The following PRR22 variants were observed in gnomAD, a reference collection of about 807,000 sequenced individuals.
PRR22 encodes the protein proline-rich protein 22.
A neutral mutation model predicts 7.2 loss-of-function variants in PRR22; 5 were observed. The ratio of observed to expected loss-of-function variants is 0.69; its 90% CI spans 0.36 to 1.45. The LOEUF (loss-of-function observed/expected upper bound fraction) is 1.45, where lower values mean the gene tolerates loss of function less well. PRR22 is among the 40% of genes most tolerant of loss of function. The pLI, the probability that PRR22 is intolerant of heterozygous loss-of-function variation, is 0.03. For synonymous variants in PRR22, 319 were observed against 269.3 expected, an observed-to-expected ratio of 1.18 and a Z score of -1.81; for missense variants, 619 against 568.8, an observed-to-expected ratio of 1.09 and a Z score of -0.90.
rs373858605 is a variant in PRR22, at chr19:5,783,579, C to T, written c.668G>A (p.Gly223Glu). ...HLQGHLGHFP[G>E]PEPLAFPVKE... ...GACGGGGAAGGCCAGGGGTTCGGGC[C>T]CAGGGAAGTGGCCGAGGTGACCCTG... The change falls in exon 3 of 3, where the codon GGG (glycine) becomes GAG (glutamate). Residue 223 changes from glycine to glutamate, a missense_variant. By Grantham distance (98) the Gly-to-Glu change is moderately conservative. Coordinates refer to ENST00000419421, the MANE Select transcript of PRR22 (RefSeq NM_001134316.2). The T allele has an allele frequency of 7.5e-6, 12 of 1,606,652 alleles. No homozygotes were observed. In the African/African-American group the frequency reaches 1.6e-4, roughly 21 times the overall value.
In PRR22 at chr19:5,783,146, G is replaced by C; in HGVS notation, c.1101C>G (p.Pro367=). Residue 367 remains proline, a synonymous_variant, in exon 3 of 3, where the codon CCC becomes CCG. Coordinates refer to ENST00000419421, the MANE Select transcript of PRR22 (RefSeq NM_001134316.2). The part of the protein sequence containing the change: ...NFKALDEEQP[P]HPGPPATNTP... ...TGTTGGTGGCAGGGGGCCCCGGGTG[G>C]GGCGGCTGCTCCTCGTCGAGCGCCT... The C allele has an allele frequency of 6.2e-7, 1 of 1,612,478 alleles. No homozygotes were observed. The highest frequency in any genetic ancestry group is 1.1e-5 in the South Asian group (1 of 91,054).
Position 5,783,742 on chromosome 19 carries a change from C to T in PRR22, c.505G>A (p.Val169Met), listed in dbSNP as rs1375705650. 6.0e-6 allele frequency: 9 copies of T among 1,495,758 alleles called. No homozygotes were observed. The highest frequency in any genetic ancestry group is 2.4e-5 in the East Asian group (1 of 42,174). The allele number at this position is 1,495,758 out of a possible 1,614,324, so 92.7% of individuals were successfully genotyped here. A position where few individuals can be genotyped will look rare whatever the true frequency, so the allele number is the denominator to read the frequency against. The change falls in exon 3 of 3, where the codon GTG (valine) becomes ATG (methionine). Residue 169 changes from valine (V) to methionine (M), a missense_variant. Transcript: ENST00000419421. ...FVGDAGPAAF[V>M]ELPLPPLEEG... The stretch of plus-strand genomic sequence containing the variant: ...TCTAGGGGCGGTAGGGGCAGCTCCA[C>T]GAAGGCGGCGGGCCCTGCGTCCCCC...
chr19:5,783,939 C>T lies in PRR22; in HGVS notation c.308G>A (p.Gly103Glu). The change falls in exon 3 of 3, where the codon GGG (glycine) becomes GAG (glutamate). Residue 103 changes from glycine (G) to glutamate (E), a missense_variant. By Grantham distance (98) the Gly-to-Glu change is moderately conservative. Transcript: ENST00000419421. ...TGGGGCGGAGGGGACCCCCGCTGGC[C>T]CCCCGCTGCTTGCTGCCAGCTTATA... ...ALYKLAASSG[G>E]PAGVPSAPGS... The T allele has an allele frequency of 6.3e-7, 1 of 1,587,994 alleles. No individual in the cohort carries two copies. Among genetic ancestry groups the T allele is most frequent in the African/African-American group, 1.3e-5 (1 of 74,340 alleles).
intron 1 of PRR22, 31 bp downstream of exon 1, chr19:5,784,500 C>A: frequency 6.5e-7 from 1 of 1,550,002 alleles, no homozygotes; most frequent in Non-Finnish European, 8.7e-7. Flanking sequence ...TGAACCCTCT[C>A]CAGCAGGTGC....
At position 5,783,926 on chromosome 19, in the gene PRR22, G is replaced by A; in HGVS notation, c.321C>T (p.Val107=). Reference sequence around the variant, plus strand: ...GGAGGTAGCTGCCTGGGGCGGAGGGGACCCCCGCTGGCCCCCCGCTGCTTG... The same window carrying A: ...GGAGGTAGCTGCCTGGGGCGGAGGGAACCCCCGCTGGCCCCCCGCTGCTTG... ...LAASSGGPAG[V]PSAPGSYLLE... Residue 107 remains valine (V), a synonymous_variant, in exon 3 of 3, where the codon GTC becomes GTT. Coordinates refer to ENST00000419421, the MANE Select transcript of PRR22 (RefSeq NM_001134316.2). 1.9e-6 allele frequency: 3 copies of A among 1,579,008 alleles called. No individual in the cohort carries two copies. The highest frequency in any genetic ancestry group is 1.1e-5 in the South Asian group (1 of 88,214).
rs775680236 is a variant in PRR22 at position 5,784,155 on chromosome 19, G to A, written c.194-102C>T. 3.3e-5 allele frequency: 40 copies of A among 1,227,692 alleles called. No homozygotes were observed. In the African/African-American group the frequency reaches 4.3e-4, roughly 13 times the overall value. 76.0% of individuals were successfully genotyped at this position (1,227,692 alleles called of 1,614,324 possible). A position where few individuals can be genotyped will look rare whatever the true frequency, so the allele number is the denominator to read the frequency against. On this transcript the variant is annotated intron_variant, in intron 2 of 2. Coordinates refer to ENST00000419421, the MANE Select transcript of PRR22 (RefSeq NM_001134316.2). ...AGATGCCACAAGAACCTTGCCATTG[G>A]GGGGCCCCTTTGGGGGACGACATAG...
chr19:5,784,363 G>C lies in PRR22; in HGVS notation c.193+14C>G, dbSNP rs36022040. On this transcript the variant is annotated intron_variant, in intron 2 of 2. Transcript: ENST00000419421. ...CACTCCCAGCCTCGTCAAGGGCTCAGGGGAGGCCGGTACCTGCTGGTGGGG... is the reference window on the plus strand; with the variant it reads ...CACTCCCAGCCTCGTCAAGGGCTCACGGGAGGCCGGTACCTGCTGGTGGGG... 12 of 1,610,350 alleles carry C rather than the reference G, an allele frequency of 7.5e-6. No individual in the cohort carries two copies. In the South Asian group the frequency reaches 1.2e-4, roughly 16 times the overall value.
In PRR22 at chr19:5,783,683, G is replaced by A; in HGVS notation, c.564C>T (p.Pro188=). 2 of 1,509,420 alleles carry A rather than the reference G, an allele frequency of 1.3e-6. No individual in the cohort carries two copies. The highest frequency in any genetic ancestry group is 1.8e-6 in the Non-Finnish European group (2 of 1,129,522). The allele number at this position is 1,509,420 out of a possible 1,614,324, so 93.5% of individuals were successfully genotyped here. A position where few individuals can be genotyped will look rare whatever the true frequency, so the allele number is the denominator to read the frequency against. Residue 188 remains proline, a synonymous_variant, in exon 3 of 3, where the codon CCC becomes CCT. Coordinates refer to ENST00000419421, the MANE Select transcript of PRR22 (RefSeq NM_001134316.2). ...GTACAGGGGGCGGCTTGTTCTCCTTGGGGGGTGGGGGTGGCAGCGGGGCCG... is the reference window on the plus strand; with the variant it reads ...GTACAGGGGGCGGCTTGTTCTCCTTAGGGGGTGGGGGTGGCAGCGGGGCCG... ...EGPAPLPPPP[P]KENKPPPVLI...
Position 5,784,019 on chromosome 19 carries a change from G to A in PRR22, c.228C>T (p.Asp76=), listed in dbSNP as rs568363600. The A allele has an allele frequency of 4.3e-6, 7 of 1,610,972 alleles. No homozygotes were observed. The East Asian group carries it at 6.7e-5, about 15-fold the overall frequency. ...FQMAPCGCFF[D]PRIYRIEWTT... is the part of the protein sequence containing the mutation. ...TCCACTCGATCCGATAGATGCGGGG[G>A]TCGAAGAAGCACCCGCATGGGGCCA... Residue 76 remains aspartate, a synonymous_variant, in exon 3 of 3, where the codon GAC becomes GAT. Coordinates refer to ENST00000419421, the MANE Select transcript of PRR22 (RefSeq NM_001134316.2).
Position 5,783,658 on chromosome 19 carries a change from G to A in PRR22, c.589C>T (p.Leu197Phe), listed in dbSNP as rs1247197333. ...PPKENKPPPV[L>F]ITLPAEPTLP... Reference sequence around the variant, plus strand: ...GTGGGCTCTGCAGGCAGCGTGATGAGTACAGGGGGCGGCTTGTTCTCCTTG... The same window carrying A: ...GTGGGCTCTGCAGGCAGCGTGATGAATACAGGGGGCGGCTTGTTCTCCTTG... Residue 197 changes from leucine (L) to phenylalanine (F), a missense_variant, in exon 3 of 3, where the codon CTC becomes TTC. Physicochemically the swap from Leu to Phe is conservative, Grantham distance 22 (BLOSUM62 0). Coordinates refer to ENST00000419421, the MANE Select transcript of PRR22 (RefSeq NM_001134316.2). 10 of 1,487,114 alleles carry A rather than the reference G, an allele frequency of 6.7e-6. No homozygotes were observed. In the African/African-American group the frequency reaches 8.5e-5, roughly 13 times the overall value. 92.1% of individuals were successfully genotyped at this position (1,487,114 alleles called of 1,614,324 possible).
chr19:5,783,489 A>G lies in PRR22; in HGVS notation c.758T>C (p.Leu253Pro). The G allele has an allele frequency of 6.2e-7, 1 of 1,603,624 alleles. No individual in the cohort carries two copies. Among genetic ancestry groups the G allele is most frequent in the African/African-American group, 1.3e-5 (1 of 74,800 alleles). The change falls in exon 3 of 3, where the codon CTC (leucine) becomes CCC (proline). Residue 253 changes from leucine (L) to proline (P), a missense_variant. Coordinates refer to ENST00000419421, the MANE Select transcript of PRR22 (RefSeq NM_001134316.2). ...VPLYPPGLSE[L>P]KVAEVKEGAL... Reference sequence around the variant, plus strand: ...CCCCTCCTTGACCTCGGCCACCTTGAGCTCGCTGAGGCCCGGTGGGTACAG... The same window carrying G: ...CCCCTCCTTGACCTCGGCCACCTTGGGCTCGCTGAGGCCCGGTGGGTACAG...
Position 5,784,542 on chromosome 19 carries a change from G to A in PRR22, c.119C>T (p.Pro40Leu), listed in dbSNP as rs2056821319. Reference sequence around the variant, plus strand: ...CCACCCGATCGTACCCATAGCGGGAGGAGGCTCGGCACAGGTGGGAGCAGG... The same window carrying A: ...CCACCCGATCGTACCCATAGCGGGAAGAGGCTCGGCACAGGTGGGAGCAGG... ...NQPAPTCAEP[P>L]PAMGSLNLYH... Residue 40 changes from proline to leucine, a missense_variant, in exon 1 of 3, where the codon CCT becomes CTT. Pro to Leu is a moderately conservative substitution (Grantham distance 98, BLOSUM62 -3). Coordinates refer to ENST00000419421, the MANE Select transcript of PRR22 (RefSeq NM_001134316.2). 8.4e-6 allele frequency: 13 copies of A among 1,549,694 alleles called. No homozygotes were observed. Among genetic ancestry groups the A allele is most frequent in the Non-Finnish European group, 1.1e-5 (13 of 1,146,918 alleles).
Position 5,783,629 on chromosome 19 carries a change from C to A in PRR22, c.618G>T (p.Leu206=), listed in dbSNP as rs756473528. Residue 206 remains leucine (L), a synonymous_variant, in exon 3 of 3, where the codon CTG becomes CTT. Coordinates refer to ENST00000419421, the MANE Select transcript of PRR22 (RefSeq NM_001134316.2). ...GGAGGTGGCTGTAGGCGTCTGGGGG[C>A]AGTGTGGGCTCTGCAGGCAGCGTGA... ...VLITLPAEPT[L]PPDAYSHLQG... 1.3e-6 allele frequency: 2 copies of A among 1,594,758 alleles called. No homozygotes were observed. Among genetic ancestry groups the A allele is most frequent in the South Asian group, 2.2e-5 (2 of 89,800 alleles).
rs576775102 is a variant in PRR22, at chr19:5,783,084, G to T, written c.1163C>A (p.Ser388Ter). ...TCCCGGCTTTCCCTTCTTGGCCGTC[G>T]AGGCCTTTCTCTTGCCAGACAGAAT... ...APILSGKRKASTAKKGKPGRK... is the reference protein window; with the variant it reads ...APILSGKRKA The change falls in exon 3 of 3, where the codon TCG (serine) becomes TAG (stop). Residue 388 changes from serine (S) to a stop codon, truncating the protein, a stop_gained. Coordinates refer to ENST00000419421, the MANE Select transcript of PRR22 (RefSeq NM_001134316.2). LOFTEE classifies it low-confidence loss of function (END_TRUNC). 2.6e-5 allele frequency: 42 copies of T among 1,606,398 alleles called. No homozygotes were observed. Among genetic ancestry groups the T allele is most frequent in the Non-Finnish European group, 3.6e-5 (42 of 1,175,822 alleles).
In PRR22 at chr19:5,784,696, G is replaced by A. The variant is rs919664785; in HGVS notation, c.-36C>T. The A allele has an allele frequency of 6.6e-7, 1 of 1,523,808 alleles. No individual in the cohort carries two copies. The highest frequency in any genetic ancestry group is 8.8e-7 in the Non-Finnish European group (1 of 1,141,638). 94.4% of individuals were successfully genotyped at this position (1,523,808 alleles called of 1,614,324 possible). A position where few individuals can be genotyped will look rare whatever the true frequency, so the allele number is the denominator to read the frequency against. On this transcript the variant is annotated 5_prime_UTR_variant, in exon 1 of 3. Transcript: ENST00000419421. ...GGGGCCCGGTCCAGACAGGCCAGGA[G>A]GGCGGCAGTGGGAGTGCAAGTGGCC...
rs1470172044 is a variant in PRR22, at chr19:5,783,529, G to A, written c.718C>T (p.Arg240Ter). Residue 240 changes from arginine (R) to a stop codon, truncating the protein, a stop_gained, in exon 3 of 3, where the codon CGA becomes TGA. Coordinates refer to ENST00000419421, the MANE Select transcript of PRR22 (RefSeq NM_001134316.2). LOFTEE classifies it low-confidence loss of function (END_TRUNC). ...GGTGGGTACAGGGGCACCCCAGGTC[G>A]GGCCCCACTGCCCTGCAGCTCCTTG... is the stretch of plus-strand genomic sequence containing the variant. Reference protein sequence around the residue: ...PVKELQGSGARPGVPLYPPGL... With the variant: ...PVKELQGSGA 12 of 1,602,796 alleles carry A rather than the reference G, an allele frequency of 7.5e-6. No individual in the cohort carries two copies. Among genetic ancestry groups the A allele is most frequent in the East Asian group, 2.2e-5 (1 of 44,496 alleles).
At chr19:5,784,326 C>T (rs746310288) in intron 2 of PRR22, 51 bp downstream of exon 2, 50 of 1,581,072 alleles carry the variant, frequency 3.2e-5, no homozygotes, top group Non-Finnish European at 4.1e-5. Flanking sequence ...GATGGGCCTG[C>T]ACACTCAAAC....
rs747692638 is a variant in PRR22 at position 5,784,015 on chromosome 19, G to A, written c.232C>T (p.Arg78Cys). 38 of 1,610,772 alleles carry A rather than the reference G, an allele frequency of 2.4e-5. No individual in the cohort carries two copies. Among genetic ancestry groups the A allele is most frequent in the East Asian group, 1.8e-4 (8 of 44,836 alleles). Reference sequence around the variant, plus strand: ...GTGGTCCACTCGATCCGATAGATGCGGGGGTCGAAGAAGCACCCGCATGGG... The same window carrying A: ...GTGGTCCACTCGATCCGATAGATGCAGGGGTCGAAGAAGCACCCGCATGGG... The part of the protein sequence containing the change: ...MAPCGCFFDP[R>C]IYRIEWTTPD... Residue 78 changes from arginine to cysteine, a missense_variant, in exon 3 of 3, where the codon CGC becomes TGC. Arg to Cys is a radical substitution (Grantham distance 180, BLOSUM62 -3). Transcript: ENST00000419421.
At chr19:5,784,180 G>A (rs754796792) in intron 2 of PRR22, 127 bp from the exon 3 acceptor site, 1 of 1,081,198 alleles carries the variant, frequency 9.2e-7, no homozygotes, top group East Asian at 2.4e-5. Flanking sequence ...GGACGACATA[G>A]ATATTGCTTT....
Sources: allele counts gnomAD v4.1 joint callset, GRCh38; gene constraint gnomAD v4.1.1; transcripts MANE v1.5; gene names NCBI Gene and HGNC (gene_info 2026-07-23, HGNC 2026-07-21).